COL17A1: variants seen among roughly 807,000 people sequenced by gnomAD.
COL17A1 encodes the protein collagen type XVII alpha 1 chain.
COL17A1 carries 181 observed loss-of-function variants against 218.4 expected under a neutral mutation model. That is an observed-to-expected ratio of 0.83 (90% CI 0.73 to 0.94). The LOEUF is 0.94. COL17A1 is among the 40% of genes least tolerant of loss of function. COL17A1 has a pLI of 0.00. For missense variants in COL17A1, 1,924 were observed against 1,945.9 expected (o/e 0.99, Z 0.21); for synonymous variants, 721 against 731.0 (o/e 0.99, Z 0.22).
intron 35 of COL17A1, among the ~76,000 whole-genome samples, chr10:104,042,700 C>T (rs940461071): frequency 2.0e-5 from 3 of 152,238 alleles, no homozygotes; most frequent in African/African-American, 7.2e-5. Context: ...TGGTTAGGGA[C>T]TTCTACATGC....
At chr10:104,054,244 A>G in intron 20 of COL17A1, 126 bp from the exon 21 acceptor site, 1 of 874,640 alleles carries the variant, frequency 1.1e-6, no homozygotes, top group Non-Finnish European at 1.9e-6. Context: ...ATGTCCAGTT[A>G]CATTTGAATT....
intron 4 of COL17A1, among the ~76,000 whole-genome samples, chr10:104,077,106 C>G (rs938349207): frequency 5.9e-5 from 9 of 152,126 alleles, no homozygotes; most frequent in African/African-American, 2.2e-4. Context: ...GAGGAAATAG[C>G]TACCTACCCA....
Position 104,050,628 on chromosome 10 carries a change from T to C in COL17A1, c.2121A>G (p.Gly707=), listed in dbSNP as rs1207301601. 1.2e-6 allele frequency: 2 copies of C among 1,613,156 alleles called. No individual in the cohort carries two copies. The highest frequency in any genetic ancestry group is 1.3e-5 in the African/African-American group (1 of 74,866). ...KGDKGPMGPP[G]PKGDQGEKGP... ...CAGCAGTGAGTGGCATACCTTTGGG[T>C]CCTGGTGGTCCCATTGGTCCTTTGT... Residue 707 remains glycine (G), a synonymous_variant, in exon 27 of 56, where the codon GGA becomes GGG. Transcript: ENST00000648076.
intron 13 of COL17A1, among the ~76,000 whole-genome samples, chr10:104,060,540 G>A (rs1402314173): frequency 6.6e-6 from 1 of 152,088 alleles, no homozygotes; most frequent in African/African-American, 2.4e-5. Flanking sequence ...GTTTATGGGG[G>A]CTGCCTCCCC....
intron 48 of COL17A1, among the ~76,000 whole-genome samples, chr10:104,036,132 A>G (rs61861279): frequency 0.11 from 26 of 246 alleles, 7 homozygotes; most frequent in East Asian, 0.25. Flanking sequence ...GTGTGTGTAT[A>G]TGTGTGTGTA....
intron 7 of COL17A1, 30 bp from the exon 8 acceptor site, chr10:104,072,109 T>C (rs1443394533): frequency 6.2e-7 from 1 of 1,613,944 alleles, no homozygotes; most frequent in Non-Finnish European, 8.5e-7. Flanking sequence ...GAGAAGGGTG[T>C]GAATGAAGGA....
At chr10:104,070,312 C>A in intron 9 of COL17A1, 114 bp downstream of exon 9, 2 of 1,551,822 alleles carry the variant, frequency 1.3e-6, no homozygotes, top group Middle Eastern at 2.3e-4. Flanking sequence ...ATTTGGTGGG[C>A]CCCAATTTCA....
chr10:104,074,077 A>G (rs2086689552), intron 6 of COL17A1, 107 bp downstream of exon 6: 1 of 1,560,092 alleles, frequency 6.4e-7, no homozygotes, highest in South Asian at 1.1e-5. Context: ...CTTTTAGAAG[A>G]ATCCATTTAA....
intron 48 of COL17A1, 140 bp downstream of exon 48, chr10:104,036,352 C>T: frequency 7.9e-7 from 1 of 1,261,510 alleles, no homozygotes; most frequent in South Asian, 1.3e-5. Context: ...GTTTGAACGG[C>T]TCTGAGCACT....
chr10:104,066,520 C>T (rs904118181), intron 9 of COL17A1, among the ~76,000 whole-genome samples: 3 of 152,212 alleles, frequency 2.0e-5, no homozygotes, highest in Non-Finnish European at 4.4e-5. Flanking sequence ...CAAGAGGAGA[C>T]GGGTTATGCT....
At chr10:104,041,139 G>A (rs371007108) in intron 38 of COL17A1, 21 bp from the exon 39 acceptor site, 1 of 1,611,688 alleles carries the variant, frequency 6.2e-7, no homozygotes, top group South Asian at 1.1e-5. Flanking sequence ...GAACCCCCAA[G>A]ACTTATTAGT....
chr10:104,067,619 A>G (rs2086637700), intron 9 of COL17A1, among the ~76,000 whole-genome samples: 1 of 152,148 alleles, frequency 6.6e-6, no homozygotes, highest in South Asian at 2.1e-4. Context: ...AGAGAGAAAG[A>G]GTTAAGCTGC....
Position 104,038,462 on chromosome 10 carries a change from C to G in COL17A1, c.3014G>C (p.Gly1005Ala), listed in dbSNP as rs752624634. 6.2e-7 allele frequency: 1 copy of G among 1,613,994 alleles called. No individual in the cohort carries two copies. The highest frequency in any genetic ancestry group is 8.5e-7 in the Non-Finnish European group (1 of 1,180,002). ...CTCCTGGCCAGAGCTGCTGATAGAG[C>G]CCGGAGGCCCAGGGGGCCCAGGGGG... ...PGPPGPPGPP[G>A]SISSSGQEIQ... Residue 1005 changes from glycine to alanine, a missense_variant, in exon 45 of 56, where the codon GGC becomes GCC. By Grantham distance (60) the Gly-to-Ala change is moderately conservative. Transcript: ENST00000648076.
Position 104,033,290 on chromosome 10 carries a change from C to T in COL17A1, c.4242G>A (p.Lys1414=). ...PGPQGPPGIS[K]VFSAYSNVTA... is the part of the protein sequence containing the mutation. ...TCACGTTGCTGTAGGCAGAGAAGACCTTGCTGATGCCGGGTGGCCCCTGTG... is the reference window on the plus strand; with the variant it reads ...TCACGTTGCTGTAGGCAGAGAAGACTTTGCTGATGCCGGGTGGCCCCTGTG... Residue 1414 remains lysine (K), a synonymous_variant, in exon 53 of 56, where the codon AAG becomes AAA. Coordinates refer to ENST00000648076, the MANE Select transcript of COL17A1 (RefSeq NM_000494.4). 3 of 1,600,430 alleles carry T rather than the reference C, an allele frequency of 1.9e-6. No individual in the cohort carries two copies. Among genetic ancestry groups the T allele is most frequent in the African/African-American group, 1.3e-5 (1 of 74,934 alleles).
At chr10:104,061,071 G>A (rs1438955290) in intron 13 of COL17A1, among the ~76,000 whole-genome samples, 1 of 152,174 alleles carries the variant, frequency 6.6e-6, no homozygotes, top group Non-Finnish European at 1.5e-5. Context: ...GTTTCTGAGG[G>A]CTCCATGAGC....
Position 104,035,467 on chromosome 10 carries a change from G to A in COL17A1, c.3508+7C>T. 6.2e-7 allele frequency: 1 copy of A among 1,613,970 alleles called. No homozygotes were observed. Among genetic ancestry groups the A allele is most frequent in the Non-Finnish European group, 8.5e-7 (1 of 1,179,960 alleles). Reference sequence around the variant, plus strand: ...CAGTTGGACAGATGTCCCCTGCTGGGCCTTACCTCGCAGCAAGGAGAGGAG... The same window carrying A: ...CAGTTGGACAGATGTCCCCTGCTGGACCTTACCTCGCAGCAAGGAGAGGAG... On this transcript the variant is annotated splice_region_variant and intron_variant, in intron 49 of 55. Coordinates refer to ENST00000648076, the MANE Select transcript of COL17A1 (RefSeq NM_000494.4).
chr10:104,057,307 C>CAGGACA (rs1299069517), intron 16 of COL17A1, 135 bp from the exon 17 acceptor site: 17 of 1,406,086 alleles, frequency 1.2e-5, no homozygotes, highest in Non-Finnish European at 1.5e-5. Flanking sequence ...CTGTTCCACC[C>CAGGACA]AGGACAGGGC....
chr10:104,048,211 C>G, intron 29 of COL17A1, 107 bp from the exon 30 acceptor site: 2 of 1,216,388 alleles, frequency 1.6e-6, no homozygotes, highest in African/African-American at 3.0e-5. Context: ...CAGGAGCCCA[C>G]GCAGCCATCA....
At position 104,036,490 on chromosome 10, in the gene COL17A1, A is replaced by C. The variant is rs901669230; in HGVS notation, c.3418+2T>G. 1 of 1,613,540 alleles carries C rather than the reference A, an allele frequency of 6.2e-7. No homozygotes were observed. The highest frequency in any genetic ancestry group is 8.5e-7 in the Non-Finnish European group (1 of 1,179,876). On this transcript the variant is annotated splice_donor_variant, in intron 48 of 55. Coordinates refer to ENST00000648076, the MANE Select transcript of COL17A1 (RefSeq NM_000494.4). LOFTEE classifies it high-confidence loss of function. ...CCAACCACCCCTCCTGCAGACACTT[A>C]CTCGACATGTAGCTGAGAATGCGAC...
Sources: allele counts gnomAD v4.1 joint callset (sites outside exome capture counted in the v4.1 genomes callset), GRCh38; gene constraint gnomAD v4.1.1; transcripts MANE v1.5; gene names NCBI Gene and HGNC (gene_info 2026-07-23, HGNC 2026-07-21).